Variants in DGKI observed in about 807,000 individuals in gnomAD.
The protein encoded by DGKI is diacylglycerol kinase iota, also known as DAG kinase iota.
Under a neutral mutation model 147.5 loss-of-function variants are expected in DGKI, and 55 were observed. The ratio of observed to expected loss-of-function variants is 0.37; its 90% CI spans 0.30 to 0.47. The LOEUF (loss-of-function observed/expected upper bound fraction) is 0.47. DGKI is among the 20% of genes least tolerant of loss of function. The pLI is 1.00. For missense variants in DGKI, 1,007 were observed against 1,323.8 expected, an observed-to-expected ratio of 0.76 and a Z score of 3.71; for synonymous variants, 469 against 477.1, an observed-to-expected ratio of 0.98 and a Z score of 0.22.
At position 137,386,379 on chromosome 7, in the gene DGKI, G is replaced by A. The variant is rs944769491; in HGVS notation, c.*4841C>T. On this transcript the variant is annotated 3_prime_UTR_variant, in exon 33 of 33. Transcript: ENST00000614521. ...CATGTGGCTTACATTGTTGAATGAG[G>A]AAGCAGCAGCCGTGATTGTGTACCC... 3 of 152,144 alleles carry A rather than the reference G, an allele frequency of 2.0e-5. No homozygotes were observed. The highest frequency in any genetic ancestry group is 4.4e-5 in the Non-Finnish European group (3 of 68,010). 9.4% of individuals were successfully genotyped at this position (152,144 alleles called of 1,614,324 possible). A position where few individuals can be genotyped will look rare whatever the true frequency, so the allele number is the denominator to read the frequency against.
chr7:137,523,539 G>A (rs1817038754), intron 20 of DGKI, among the ~76,000 whole-genome samples: 2 of 152,024 alleles, frequency 1.3e-5, no homozygotes, highest in South Asian at 4.1e-4. Context: ...AGAGATGGTA[G>A]GCAGGTAAAA....
intron 29 of DGKI, among the ~76,000 whole-genome samples, chr7:137,408,513 A>G (rs1035448112): frequency 2.6e-5 from 4 of 152,210 alleles, no homozygotes; most frequent in African/African-American, 9.6e-5. Flanking sequence ...ACTGAATACA[A>G]GTATAGACAC....
intron 1 of DGKI, among the ~76,000 whole-genome samples, chr7:137,727,008 G>A (rs1322652739): frequency 6.6e-6 from 1 of 151,920 alleles, no homozygotes; most frequent in African/African-American, 2.4e-5. Context: ...ATCTATTTGT[G>A]TATATTGTAT....
chr7:137,739,376 C>T (rs1035419807), intron 1 of DGKI, among the ~76,000 whole-genome samples: 11 of 152,084 alleles, frequency 7.2e-5, no homozygotes, highest in East Asian at 3.9e-4. Flanking sequence ...AATGAAAAGA[C>T]GGGCAAAATA....
chr7:137,407,104 T>C (rs1444004262), intron 30 of DGKI, among the ~76,000 whole-genome samples: 2 of 152,182 alleles, frequency 1.3e-5, no homozygotes, highest in East Asian at 3.9e-4. Context: ...ACTCTTTCAT[T>C]CCTTCTCATT....
intron 1 of DGKI, among the ~76,000 whole-genome samples, chr7:137,766,719 G>C (rs1045398526): frequency 6.6e-6 from 1 of 152,176 alleles, no homozygotes; most frequent in East Asian, 1.9e-4. Flanking sequence ...AGGAACTAGG[G>C]ACTCAAATAG....
chr7:137,798,299 T>C (rs1797095359), intron 1 of DGKI, among the ~76,000 whole-genome samples: 1 of 152,238 alleles, frequency 6.6e-6, no homozygotes, highest in Non-Finnish European at 1.5e-5. Context: ...TAAAATCTTG[T>C]GAGAACTGAA....
intron 29 of DGKI, among the ~76,000 whole-genome samples, chr7:137,409,224 A>G (rs577118897): frequency 2.0e-5 from 3 of 152,346 alleles, no homozygotes; most frequent in Non-Finnish European, 4.4e-5. Context: ...AATATGTATA[A>G]TCATTTGTCA....
intron 12 of DGKI, among the ~76,000 whole-genome samples, chr7:137,589,596 A>T (rs945399504): frequency 6.6e-6 from 1 of 152,240 alleles, no homozygotes; most frequent in Non-Finnish European, 1.5e-5. Flanking sequence ...TGCACTGCTA[A>T]AAGCACAGAT....
intron 23 of DGKI, among the ~76,000 whole-genome samples, chr7:137,479,625 T>C (rs554497820): frequency 4.6e-5 from 7 of 152,316 alleles, no homozygotes; most frequent in Non-Finnish European, 7.4e-5. Context: ...AATATTCACC[T>C]AGTGTTGAAC....
At chr7:137,718,603 G>A (rs1054322112) in intron 1 of DGKI, among the ~76,000 whole-genome samples, 5 of 152,224 alleles carry the variant, frequency 3.3e-5, no homozygotes, top group African/African-American at 1.2e-4. Context: ...GAGACTTGCT[G>A]TGGGCAGTCA....
rs532863820 is a variant in DGKI, at chr7:137,500,522, T to C, written c.2249-12833A>G. 6.6e-5 allele frequency among the ~76,000 whole-genome samples: 10 copies of C among 152,280 alleles called. No individual in the cohort carries two copies. The South Asian group carries it at 2.1e-3, about 32-fold the overall frequency. On this transcript the variant is annotated intron_variant, in intron 21 of 32. Transcript: ENST00000614521. ...CAACCAATCCACAATTATACTCTTA[T>C]ATTCATAAAAAACTTTTAAAGTCTA... is the stretch of plus-strand genomic sequence containing the variant.
At chr7:137,600,718 A>G (rs1184235253) in intron 10 of DGKI, among the ~76,000 whole-genome samples, 4 of 152,206 alleles carry the variant, frequency 2.6e-5, no homozygotes, top group African/African-American at 7.2e-5. Flanking sequence ...TTTTATAGAA[A>G]TAGTTTTTTC....
At chr7:137,807,516 G>A (rs896898871) in intron 1 of DGKI, among the ~76,000 whole-genome samples, 2 of 152,134 alleles carry the variant, frequency 1.3e-5, no homozygotes, top group Non-Finnish European at 2.9e-5. Context: ...GCGCTAAATA[G>A]GGCCCATCCA....
At chr7:137,562,633 G>A (rs1818455039) in intron 19 of DGKI, among the ~76,000 whole-genome samples, 1 of 152,112 alleles carries the variant, frequency 6.6e-6, no homozygotes, top group Non-Finnish European at 1.5e-5. Context: ...ATGGAGGGGG[G>A]ATCCTACAAA....
chr7:137,396,790 T>C (rs1811570767), intron 31 of DGKI, among the ~76,000 whole-genome samples: 1 of 152,248 alleles, frequency 6.6e-6, no homozygotes, highest in Admixed American at 6.5e-5. Flanking sequence ...GCTATTTCGC[T>C]ACTTTAGAAA....
intron 1 of DGKI, among the ~76,000 whole-genome samples, chr7:137,744,800 C>A (rs1302873308): frequency 4.6e-5 from 7 of 152,146 alleles, no homozygotes; most frequent in Admixed American, 4.6e-4. Flanking sequence ...ACCATGTGAT[C>A]ATCTCAGTAG....
intron 1 of DGKI, among the ~76,000 whole-genome samples, chr7:137,725,421 C>T (rs1188695723): frequency 6.6e-6 from 1 of 152,074 alleles, no homozygotes; most frequent in Admixed American, 6.6e-5. Flanking sequence ...ATTTTTATGC[C>T]TCTACCATTC....
chr7:137,577,155 A>G, intron 17 of DGKI, 67 bp downstream of exon 17: 2 of 1,123,276 alleles, frequency 1.8e-6, no homozygotes, highest in South Asian at 2.7e-5. Context: ...TAAACTAAGT[A>G]TTTGGGAGTT....
Sources: allele counts gnomAD v4.1 joint callset (sites outside exome capture counted in the v4.1 genomes callset), GRCh38; gene constraint gnomAD v4.1.1; transcripts MANE v1.5; gene names NCBI Gene and HGNC (gene_info 2026-07-23, HGNC 2026-07-21).